USP15: variants seen among roughly 807,000 people sequenced by gnomAD.
The protein encoded by USP15 is ubiquitin carboxyl-terminal hydrolase 15.
Under a neutral mutation model 127.1 loss-of-function variants are expected in USP15, and 18 were observed. The ratio of observed to expected loss-of-function variants is 0.14; its 90% confidence interval spans 0.10 to 0.21. The LOEUF is 0.21. Ranked by LOEUF, USP15 falls within the 10% of genes least tolerant of loss-of-function variation. The pLI is 1.00. For missense variants in USP15, 805 were observed against 1,159.9 expected (o/e 0.69, Z 4.44); for synonymous variants, 364 against 393.7 (o/e 0.92, Z 0.89).
intron 8 of USP15, among the ~76,000 whole-genome samples, chr12:62,367,093 T>C (rs1309739726): frequency 1.3e-5 from 2 of 152,186 alleles, no homozygotes; most frequent in Non-Finnish European, 2.9e-5. Context: ...GTCCCTCTTT[T>C]GTATTGTTTG....
At chr12:62,288,030 C>A (rs2063833587) in intron 1 of USP15, among the ~76,000 whole-genome samples, 1 of 152,096 alleles carries the variant, frequency 6.6e-6, no homozygotes, top group African/African-American at 2.4e-5. Context: ...TGTGATGCCT[C>A]CAGCTTTGTT....
chr12:62,276,914 G>C (rs185651906), intron 1 of USP15, among the ~76,000 whole-genome samples: 2 of 152,104 alleles, frequency 1.3e-5, no homozygotes, highest in East Asian at 3.9e-4. Context: ...TGTATATTTT[G>C]TCCCAATTTT....
chr12:62,350,918 C>A (rs1273393218), intron 7 of USP15, among the ~76,000 whole-genome samples: 1 of 152,080 alleles, frequency 6.6e-6, no homozygotes, highest in African/African-American at 2.4e-5. Flanking sequence ...AGCCACCTTG[C>A]CCAGCTGGGA....
intron 1 of USP15, among the ~76,000 whole-genome samples, chr12:62,289,697 T>TTGTGTGTGTGTGTGTGTGTGTGTGTG (rs71450579): frequency 7.4e-6 from 1 of 135,430 alleles, no homozygotes; most frequent in African/African-American, 2.8e-5. Flanking sequence ...GGTTGTTAAT[T>TTGTGTGTGTGTGTGTGTGTGTGTGTG]TGTGTGTGTG....
In USP15 at chr12:62,389,788, TC is replaced by T; in HGVS notation, c.1653-7del. On this transcript the variant is annotated splice_region_variant and splice_polypyrimidine_tract_variant and intron_variant, in intron 13 of 21. Coordinates refer to ENST00000280377, the MANE Select transcript of USP15 (RefSeq NM_001252078.2). Reference sequence around the variant, plus strand: ...TTTTGAGAGTTTATGGTCAGTTTTGTCCTTGTAGGTTTGAAATTAACATCAA... The same window carrying T: ...TTTTGAGAGTTTATGGTCAGTTTTGTCTTGTAGGTTTGAAATTAACATCAA... 1 of 1,607,266 alleles carries T rather than the reference TC, an allele frequency of 6.2e-7. No homozygotes were observed.
At chr12:62,364,145 G>A (rs147111964) in intron 8 of USP15, among the ~76,000 whole-genome samples, 1 of 152,214 alleles carries the variant, frequency 6.6e-6, no homozygotes, top group Admixed American at 6.5e-5. Context: ...TGAAAAAGAC[G>A]TCCGAGAACT....
rs111240862 is a variant in USP15, at chr12:62,367,208, C to T, written c.915+11733C>T. Among the ~76,000 whole-genome samples the T allele has an allele frequency of 4.8e-3, 726 of 151,820 alleles. 1 individual carries two copies. Among genetic ancestry groups the T allele is most frequent in the African/African-American group, 0.01 (428 of 41,436 alleles). On this transcript the variant is annotated intron_variant, in intron 8 of 21. Transcript: ENST00000280377. ...AGACTATTAATTACTGCCTTGATTT[C>T]GGAGTTGTTTTTTTGTTTGTTTGTT...
intron 7 of USP15, among the ~76,000 whole-genome samples, chr12:62,354,061 G>A (rs2066044136): frequency 1.3e-5 from 2 of 151,572 alleles, no homozygotes; most frequent in Admixed American, 6.6e-5. Flanking sequence ...AACATTAGTA[G>A]GCCAACATTG....
At chr12:62,311,238 A>T (rs1163079222) in intron 3 of USP15, among the ~76,000 whole-genome samples, 1 of 151,932 alleles carries the variant, frequency 6.6e-6, no homozygotes, top group African/African-American at 2.4e-5. Flanking sequence ...ACCTAGTAAG[A>T]ACTGTGTTTT....
rs368800801 is a variant in USP15 at position 62,355,391 on chromosome 12, G to A, written c.831G>A (p.Ser277=). 9.1e-5 allele frequency: 147 copies of A among 1,610,814 alleles called. No homozygotes were observed. The highest frequency in any genetic ancestry group is 1.1e-4 in the Non-Finnish European group (127 of 1,178,152). Residue 277 remains serine, a synonymous_variant, in exon 8 of 22, where the codon TCG becomes TCA. Coordinates refer to ENST00000280377, the MANE Select transcript of USP15 (RefSeq NM_001252078.2). ...CCGCTTATAAGAACTATGATTATTC[G>A]GAACCTGGAAGAAACAATGAACAGC... ...SYTAYKNYDY[S]EPGRNNEQPG...
chr12:62,335,369 T>C (rs1361543101), intron 6 of USP15: 2 of 1,429,998 alleles, frequency 1.4e-6, no homozygotes, highest in Non-Finnish European at 1.8e-6. Context: ...TGATGCGTTA[T>C]CACTCAACAG....
chr12:62,379,030 G>A (rs1436208542), intron 8 of USP15, among the ~76,000 whole-genome samples: 2 of 151,884 alleles, frequency 1.3e-5, no homozygotes, highest in African/African-American at 4.8e-5. Flanking sequence ...AGTTCATTTG[G>A]CAAAACAAAC....
intron 14 of USP15, among the ~76,000 whole-genome samples, 195 bp downstream of exon 14, chr12:62,390,183 A>C (rs1221941474): frequency 6.6e-6 from 1 of 152,150 alleles, no homozygotes; most frequent in Non-Finnish European, 1.5e-5. Flanking sequence ...GGTAATTTCA[A>C]ACCCAGGAAG....
intron 11 of USP15, among the ~76,000 whole-genome samples, chr12:62,386,503 C>T (rs1287507304): frequency 6.6e-6 from 1 of 152,000 alleles, no homozygotes; most frequent in Non-Finnish European, 1.5e-5. Flanking sequence ...GTAACCTACC[C>T]AAACTGGTTA....
rs769959695 is a variant in USP15 at position 62,349,246 on chromosome 12, A to G, written c.709A>G (p.Thr237Ala). 54 of 1,505,070 alleles carry G rather than the reference A, an allele frequency of 3.6e-5. No individual in the cohort carries two copies. Among genetic ancestry groups the G allele is most frequent in the Middle Eastern group, 1.7e-4 (1 of 5,900 alleles). The allele number at this position is 1,505,070 out of a possible 1,614,324, so 93.2% of individuals were successfully genotyped here. A position where few individuals can be genotyped will look rare whatever the true frequency, so the allele number is the denominator to read the frequency against. Reference sequence around the variant, plus strand: ...GTCCCCAGGTGCATCCAATTTTTCAACTTTACCAAAGATCTCTCCTTCATC... The same window carrying G: ...GTCCCCAGGTGCATCCAATTTTTCAGCTTTACCAAAGATCTCTCCTTCATC... Reference protein sequence around the residue: ...PKSPGASNFSTLPKISPSSLS... With the variant: ...PKSPGASNFSALPKISPSSLS... The change falls in exon 7 of 22, where the codon ACT (threonine) becomes GCT (alanine). Residue 237 changes from threonine (T) to alanine (A), a missense_variant. By Grantham distance (58) the Thr-to-Ala change is moderately conservative. Transcript: ENST00000280377.
At chr12:62,312,949 T>C (rs2064726189) in intron 3 of USP15, among the ~76,000 whole-genome samples, 1 of 151,678 alleles carries the variant, frequency 6.6e-6, no homozygotes, top group Non-Finnish European at 1.5e-5. Context: ...GTGCTGTTAT[T>C]TTCAAGCTTT....
At position 62,413,963 on chromosome 12, in the gene USP15, A is replaced by G. The variant is rs1276049753; in HGVS notation, c.*9588A>G. ...CTCTTCACCTGAACATTTAGAGGCCATTGGATGGTTATTAACTGGCCTGGT... is the reference window on the plus strand; with the variant it reads ...CTCTTCACCTGAACATTTAGAGGCCGTTGGATGGTTATTAACTGGCCTGGT... On this transcript the variant is annotated 3_prime_UTR_variant, in exon 22 of 22. Transcript: ENST00000280377. 2 of 152,200 alleles carry G rather than the reference A, an allele frequency of 1.3e-5. No individual in the cohort carries two copies. 9.4% of individuals were successfully genotyped at this position (152,200 alleles called of 1,614,324 possible).
chr12:62,280,821 G>A (rs1331099809), intron 1 of USP15, among the ~76,000 whole-genome samples: 2 of 152,122 alleles, frequency 1.3e-5, no homozygotes, highest in Non-Finnish European at 2.9e-5. Flanking sequence ...AAGAAAAATG[G>A]TACCAGCTGA....
chr12:62,266,352 A>G (rs1197802665), intron 1 of USP15, among the ~76,000 whole-genome samples: 1 of 152,164 alleles, frequency 6.6e-6, no homozygotes, highest in Non-Finnish European at 1.5e-5. Context: ...TTCTTCTTGG[A>G]CTTAAATCCA....
Sources: gnomAD v4.1 joint callset for allele counts (sites outside exome capture counted in the v4.1 genomes callset) on GRCh38, gnomAD v4.1.1 for gene constraint, MANE v1.5 for transcripts, NCBI Gene and HGNC (gene_info 2026-07-23, HGNC 2026-07-21) for gene names.